Variants in SLC31A1 observed in about 807,000 individuals in gnomAD.
SLC31A1 encodes high affinity copper uptake protein 1.
SLC31A1 carries 5 observed loss-of-function variants against 17.2 expected under a neutral mutation model. That is an observed-to-expected ratio of 0.29 (90% CI 0.15 to 0.61). The LOEUF (loss-of-function observed/expected upper bound fraction) is 0.61, where lower values mean the gene tolerates loss of function less well. SLC31A1 is among the 20% of genes least tolerant of loss of function. The probability of loss-of-function intolerance (pLI) is 0.86; values close to 1 mark genes in which losing one functional copy is unlikely to be tolerated. For missense variants in SLC31A1, 161 were observed against 241.4 expected, an observed-to-expected ratio of 0.67 and a Z score of 2.21; for synonymous variants, 76 against 78.8, an observed-to-expected ratio of 0.96 and a Z score of 0.19.
chr9:113,224,152 CCT>C (rs1307004908), intron 1 of SLC31A1, among the ~76,000 whole-genome samples: 3 of 152,120 alleles, frequency 2.0e-5, no homozygotes, highest in African/African-American at 7.2e-5. Flanking sequence ...GTCTATGACT[CCT>C]CTTACCCTCC....
chr9:113,239,876 G>A (rs989129572), intron 1 of SLC31A1, among the ~76,000 whole-genome samples: 1 of 152,216 alleles, frequency 6.6e-6, no homozygotes, highest in African/African-American at 2.4e-5. Context: ...GAGCCACCAT[G>A]CCTAGACATT....
chr9:113,236,038 C>T (rs930402846), intron 1 of SLC31A1, among the ~76,000 whole-genome samples: 22 of 152,092 alleles, frequency 1.4e-4, no homozygotes, highest in Admixed American at 7.2e-4. Context: ...CCCAGGCTAG[C>T]GTGCAGTGGC....
At chr9:113,254,307 C>G (rs1277225304) in intron 1 of SLC31A1, among the ~76,000 whole-genome samples, 2 of 152,156 alleles carry the variant, frequency 1.3e-5, no homozygotes, top group African/African-American at 4.8e-5. Flanking sequence ...TTATTTCCTT[C>G]ACAGCATGAA....
At chr9:113,223,887 G>T (rs377014760) in intron 1 of SLC31A1, among the ~76,000 whole-genome samples, 2 of 152,290 alleles carry the variant, frequency 1.3e-5, no homozygotes, top group East Asian at 1.9e-4. Flanking sequence ...GGTTCTAGGG[G>T]ATCTATAACA....
chr9:113,241,305 C>T (rs936169323), intron 1 of SLC31A1, among the ~76,000 whole-genome samples: 8 of 152,170 alleles, frequency 5.3e-5, no homozygotes, highest in Non-Finnish European at 1.0e-4. Flanking sequence ...TTGAGAAATA[C>T]ATGCAAGTAG....
At chr9:113,255,374 T>C (rs1831708655) in intron 1 of SLC31A1, among the ~76,000 whole-genome samples, 1 of 152,220 alleles carries the variant, frequency 6.6e-6, no homozygotes, top group Admixed American at 6.5e-5. Flanking sequence ...GCTTTCCTTC[T>C]CCTTATCTAA....
chr9:113,244,312 T>G (rs1277995965), intron 1 of SLC31A1, among the ~76,000 whole-genome samples: 2 of 152,186 alleles, frequency 1.3e-5, no homozygotes, highest in East Asian at 1.9e-4. Flanking sequence ...TGTAATTATT[T>G]GAAGTAGTTT....
chr9:113,262,754 A>C lies in SLC31A1; in HGVS notation c.*2281A>C, dbSNP rs1831808048. 1 of 152,656 alleles carries C rather than the reference A, an allele frequency of 6.6e-6. No individual in the cohort carries two copies. The highest frequency in any genetic ancestry group is 2.4e-5 in the African/African-American group (1 of 41,452). 9.5% of individuals were successfully genotyped at this position (152,656 alleles called of 1,614,324 possible). A position where few individuals can be genotyped will look rare whatever the true frequency, so the allele number is the denominator to read the frequency against. On this transcript the variant is annotated 3_prime_UTR_variant, in exon 5 of 5. Coordinates refer to ENST00000374212, the MANE Select transcript of SLC31A1 (RefSeq NM_001859.4). Reference sequence around the variant, plus strand: ...TACAGCCTGTTGTCTAAAGCCAAGGAGTCATAAAACCATGAGAAATAAATA... The same window carrying C: ...TACAGCCTGTTGTCTAAAGCCAAGGCGTCATAAAACCATGAGAAATAAATA...
Position 113,260,793 on chromosome 9 carries a change from T to C in SLC31A1, c.*320T>C, listed in dbSNP as rs1236239925. The C allele has an allele frequency of 2.8e-6, 1 of 361,972 alleles. No individual in the cohort carries two copies. The highest frequency in any genetic ancestry group is 5.3e-6 in the Non-Finnish European group (1 of 190,080). 22.4% of individuals were successfully genotyped at this position (361,972 alleles called of 1,614,324 possible). The stretch of plus-strand genomic sequence containing the variant: ...TTCTTGTCTAATCCATGTAGCTTTT[T>C]GTTCAATGACTTGATCATCTGCTTC... On this transcript the variant is annotated 3_prime_UTR_variant, in exon 5 of 5. Coordinates refer to ENST00000374212, the MANE Select transcript of SLC31A1 (RefSeq NM_001859.4).
At chr9:113,245,668 GT>G (rs1831568604) in intron 1 of SLC31A1, among the ~76,000 whole-genome samples, 1 of 150,198 alleles carries the variant, frequency 6.7e-6, no homozygotes, top group African/African-American at 2.5e-5. Flanking sequence ...AGACATTCCT[GT>G]TGCCCAGGCT....
At chr9:113,231,193 CTG>C (rs1233413993) in intron 1 of SLC31A1, among the ~76,000 whole-genome samples, 1 of 152,164 alleles carries the variant, frequency 6.6e-6, no homozygotes, top group African/African-American at 2.4e-5. Context: ...GAAGAGGAGT[CTG>C]TGTCTGCCTA....
chr9:113,245,218 A>G (rs1441171470), intron 1 of SLC31A1, among the ~76,000 whole-genome samples: 1 of 152,068 alleles, frequency 6.6e-6, no homozygotes, highest in Non-Finnish European at 1.5e-5. Context: ...CTGTTGGTTA[A>G]TTTGGGTTTT....
intron 1 of SLC31A1, among the ~76,000 whole-genome samples, chr9:113,224,674 C>T (rs370798332): frequency 5.3e-5 from 8 of 152,156 alleles, no homozygotes; most frequent in Non-Finnish European, 1.5e-5. Context: ...GTGATCCACC[C>T]GCCTTGGCCT....
chr9:113,258,026 G>C lies in SLC31A1; in HGVS notation c.203-668G>C, dbSNP rs1318652934. The stretch of plus-strand genomic sequence containing the variant: ...TGTTCTTTTAGTCTACCAAACTATG[G>C]CCCACATCCTTCCTGATTCTTGGCA... On this transcript the variant is annotated intron_variant, in intron 3 of 4. Coordinates refer to ENST00000374212, the MANE Select transcript of SLC31A1 (RefSeq NM_001859.4). This position sits in a 1 kb window ranked among gnomAD's most constrained non-coding sequence, Gnocchi z 4.8. 6.6e-6 allele frequency among the ~76,000 whole-genome samples: 1 copy of C among 152,094 alleles called. No individual in the cohort carries two copies. Among genetic ancestry groups the C allele is most frequent in the Non-Finnish European group, 1.5e-5 (1 of 68,022 alleles).
At chr9:113,253,520 G>A (rs1245389324) in intron 1 of SLC31A1, among the ~76,000 whole-genome samples, 1 of 149,430 alleles carries the variant, frequency 6.7e-6, no homozygotes, top group African/African-American at 2.5e-5. Flanking sequence ...TATGGTAATG[G>A]TATCAATAAT....
At chr9:113,250,515 CTG>C (rs1470806070) in intron 1 of SLC31A1, among the ~76,000 whole-genome samples, 4 of 122,348 alleles carry the variant, frequency 3.3e-5, no homozygotes, top group Non-Finnish European at 4.9e-5. Flanking sequence ...ACATCACACT[CTG>C]GGGACTGTTG....
At chr9:113,257,090 G>T in intron 2 of SLC31A1, 23 bp from the exon 3 acceptor site, 1 of 1,601,120 alleles carries the variant, frequency 6.2e-7, no homozygotes, top group South Asian at 1.1e-5. Context: ...ATCTCTAACT[G>T]ACTTGTTTTG....
intron 1 of SLC31A1, among the ~76,000 whole-genome samples, chr9:113,231,035 G>C (rs1056666936): frequency 6.6e-6 from 1 of 152,130 alleles, no homozygotes; most frequent in Non-Finnish European, 1.5e-5. Context: ...AATTGAGGTA[G>C]ATGTCAAAGT....
intron 1 of SLC31A1, among the ~76,000 whole-genome samples, chr9:113,235,794 CTG>C (rs1831451728): frequency 6.6e-6 from 1 of 152,218 alleles, no homozygotes; most frequent in Non-Finnish European, 1.5e-5. Flanking sequence ...CAGCCTGACT[CTG>C]AGAACAGAGT....
Sources: allele counts gnomAD v4.1 joint callset (sites outside exome capture counted in the v4.1 genomes callset), GRCh38; gene constraint gnomAD v4.1.1; non-coding constraint Gnocchi (gnomAD v3.1); transcripts MANE v1.5; gene names NCBI Gene and HGNC (gene_info 2026-07-23, HGNC 2026-07-21).